CADM2: variants seen among roughly 807,000 people sequenced by gnomAD.
CADM2 encodes immunoglobulin superfamily member 4D.
CADM2 carries 12 observed loss-of-function variants against 49.8 expected under a neutral mutation model. The observed-to-expected ratio is 0.24, with a 90% CI of 0.15 to 0.39. The LOEUF (loss-of-function observed/expected upper bound fraction) is 0.39. Ranked by LOEUF, CADM2 falls within the 10% of genes least tolerant of loss-of-function variation. The pLI is 1.00. For missense variants in CADM2, 378 were observed against 492.3 expected, an observed-to-expected ratio of 0.77 and a Z score of 2.20; for synonymous variants, 214 against 175.4, an observed-to-expected ratio of 1.22 and a Z score of -1.74.
chr3:85,273,843 G>T (rs1057058144), intron 1 of CADM2, among the ~76,000 whole-genome samples: 3 of 151,412 alleles, frequency 2.0e-5, no homozygotes, highest in African/African-American at 4.8e-5. Context: ...CATGATATTG[G>T]ATGAAATCCC....
chr3:85,466,794 A>G (rs2038514436), intron 1 of CADM2, among the ~76,000 whole-genome samples: 1 of 151,978 alleles, frequency 6.6e-6, no homozygotes. Flanking sequence ...GTTTCCCCCC[A>G]TTGGATAGTA....
intron 3 of CADM2, among the ~76,000 whole-genome samples, chr3:85,854,317 G>A (rs186362099): frequency 1.4e-4 from 22 of 152,184 alleles, no homozygotes; most frequent in African/African-American, 5.1e-4. Flanking sequence ...CTACTATAAA[G>A]ACACATGCAC....
chr3:85,424,049 A>C (rs1195310241), intron 1 of CADM2, among the ~76,000 whole-genome samples: 1 of 152,180 alleles, frequency 6.6e-6, no homozygotes, highest in Non-Finnish European at 1.5e-5. Context: ...AAATAAAATG[A>C]AATGAACTTA....
At chr3:85,495,941 T>C (rs1179300689) in intron 1 of CADM2, among the ~76,000 whole-genome samples, 1 of 152,146 alleles carries the variant, frequency 6.6e-6, no homozygotes, top group Non-Finnish European at 1.5e-5. Flanking sequence ...ATCCAAACCA[T>C]ATCAGTTATT....
chr3:85,358,002 T>A (rs1576411745), intron 1 of CADM2, among the ~76,000 whole-genome samples: 1 of 152,278 alleles, frequency 6.6e-6, no homozygotes, highest in Non-Finnish European at 1.5e-5. Context: ...CCAACCTTTA[T>A]GTCCTACAAA....
chr3:85,903,172 T>A (rs899372493), intron 5 of CADM2, among the ~76,000 whole-genome samples: 2 of 152,146 alleles, frequency 1.3e-5, no homozygotes, highest in East Asian at 3.8e-4. Context: ...TGATAAATAA[T>A]TGTTTTACAT....
intron 3 of CADM2, among the ~76,000 whole-genome samples, chr3:85,875,269 T>C (rs1489370355): frequency 6.6e-6 from 1 of 152,178 alleles, no homozygotes; most frequent in Non-Finnish European, 1.5e-5. Context: ...ATTTGTACTA[T>C]TACAAATGAC....
At chr3:85,291,545 C>T (rs2043796098) in intron 1 of CADM2, among the ~76,000 whole-genome samples, 1 of 147,134 alleles carries the variant, frequency 6.8e-6, no homozygotes, top group African/African-American at 2.7e-5. Flanking sequence ...AGAGAAAGGT[C>T]GGGTTACCCT....
rs751748973 is a variant in CADM2, at chr3:85,508,572, G to T, written c.62-217950G>T. 7.9e-5 allele frequency among the ~76,000 whole-genome samples: 12 copies of T among 152,078 alleles called. No homozygotes were observed. In the East Asian group the frequency reaches 1.2e-3, roughly 15 times the overall value. ...AGAAAGAATGGGTTCTGGAATAAAA[G>T]AACTCAAAGGGCAAAATAAAATATG... On this transcript the variant is annotated intron_variant, in intron 1 of 9. Transcript: ENST00000383699.
At position 85,658,615 on chromosome 3, in the gene CADM2, T is replaced by TATAC. The variant is rs1553656736; in HGVS notation, c.62-67904_62-67901dup. 3.0e-3 allele frequency among the ~76,000 whole-genome samples: 403 copies of TATAC among 132,248 alleles called. 2 individuals are homozygous for TATAC. The highest frequency in any genetic ancestry group is 0.011 in the African/African-American group (363 of 34,562). 86.8% of individuals were successfully genotyped at this position (132,248 alleles called of 152,430 possible). A position where few individuals can be genotyped will look rare whatever the true frequency, so the allele number is the denominator to read the frequency against. ...ATATATATATATATATATATATATA[T>TATAC]ATACATGTATGCATATGTTTGTTTA... On this transcript the variant is annotated intron_variant, in intron 1 of 9. Coordinates refer to ENST00000383699, the MANE Select transcript of CADM2 (RefSeq NM_001167675.2).
chr3:85,158,674 C>T (rs1191971070), intron 1 of CADM2, among the ~76,000 whole-genome samples: 3 of 152,016 alleles, frequency 2.0e-5, no homozygotes, highest in African/African-American at 7.2e-5. Context: ...GGAAACATCA[C>T]ACTCTGGGGA....
chr3:85,562,298 G>T (rs1249321017), intron 1 of CADM2, among the ~76,000 whole-genome samples: 1 of 151,832 alleles, frequency 6.6e-6, no homozygotes, highest in Non-Finnish European at 1.5e-5. Flanking sequence ...TGACAACATT[G>T]AGAGACCTGA....
At position 84,984,048 on chromosome 3, in the gene CADM2, T is replaced by TATATATACAC. The variant is rs1224516135; in HGVS notation, c.61+24381_61+24382insTATATACACA. Among the ~76,000 whole-genome samples, 219 of 143,296 alleles carry TATATATACAC rather than the reference T, an allele frequency of 1.5e-3. 1 individual carries two copies. Among genetic ancestry groups the TATATATACAC allele is most frequent in the African/African-American group, 5.6e-3 (215 of 38,494 alleles). 94.0% of individuals were successfully genotyped at this position (143,296 alleles called of 152,430 possible). On this transcript the variant is annotated intron_variant, in intron 1 of 9. Transcript: ENST00000383699. ...CTTCATTGTGATATATATATATATATACACACACACACACACACACACACA... is the reference window on the plus strand; with the variant it reads ...CTTCATTGTGATATATATATATATATATATATACACACACACACACACACACACACACACA...
chr3:86,027,416 T>C (rs551934535), intron 8 of CADM2, among the ~76,000 whole-genome samples: 92 of 152,316 alleles, frequency 6.0e-4, no homozygotes, highest in African/African-American at 2.2e-3. Context: ...TAATAGTGTT[T>C]TTAAATTCAT....
At chr3:85,004,961 A>G (rs2033652535) in intron 1 of CADM2, among the ~76,000 whole-genome samples, 1 of 152,170 alleles carries the variant, frequency 6.6e-6, no homozygotes, top group Admixed American at 6.6e-5. Flanking sequence ...CCAAGTTGCA[A>G]TAACTAATGG....
chr3:85,529,264 T>G (rs12636517), intron 1 of CADM2, among the ~76,000 whole-genome samples: 12,236 of 152,194 alleles, frequency 0.08, 963 homozygotes, highest in African/African-American at 0.18. Context: ...ACTTAGCGAT[T>G]GGGTCTTTGC....
At chr3:84,986,764 TA>T (rs34829701) in intron 1 of CADM2, among the ~76,000 whole-genome samples, 2,956 of 146,704 alleles carry the variant, frequency 0.02, 52 homozygotes, top group East Asian at 0.082. Context: ...AATAATAAAA[TA>T]AAAAAAAAAG....
intron 1 of CADM2, among the ~76,000 whole-genome samples, chr3:85,117,898 C>A (rs111945056): frequency 6.6e-6 from 1 of 151,874 alleles, no homozygotes; most frequent in Non-Finnish European, 1.5e-5. Context: ...ATAGTTGATT[C>A]GGCCCTATTA....
chr3:85,449,226 A>T (rs1388885260), intron 1 of CADM2, among the ~76,000 whole-genome samples: 3 of 151,666 alleles, frequency 2.0e-5, no homozygotes, highest in Non-Finnish European at 2.9e-5. Context: ...TAAGAAAAAA[A>T]GGCCTTTTAT....
Sources: gnomAD v4.1 joint callset for allele counts (sites outside exome capture counted in the v4.1 genomes callset) on GRCh38, gnomAD v4.1.1 for gene constraint, MANE v1.5 for transcripts, NCBI Gene and HGNC (gene_info 2026-07-23, HGNC 2026-07-21) for gene names.